Variants in ADAMTS17 observed in about 807,000 individuals in gnomAD.
ADAMTS17 encodes A disintegrin and metalloproteinase with thrombospondin motifs 17.
A neutral mutation model predicts 141.5 loss-of-function variants in ADAMTS17; 113 were observed. The observed-to-expected ratio is 0.80, with a 90% CI of 0.69 to 0.93. The LOEUF is 0.93. Ranked by LOEUF, ADAMTS17 falls within the 40% of genes least tolerant of loss-of-function variation. ADAMTS17 has a pLI of 0.00. For synonymous variants in ADAMTS17, 768 were observed against 630.6 expected, an observed-to-expected ratio of 1.22 and a Z score of -3.27; for missense variants, 1,659 against 1,517.9, an observed-to-expected ratio of 1.09 and a Z score of -1.54.
chr15:100,341,188 GCAGGTCGCGGCGCAGCTGAAGGTA>G lies in ADAMTS17; in HGVS notation c.277_300del (p.Tyr93_Leu100del). ...ACCTCGAAGCCTCGGGACAGGAAGC[GCAGGTCGCGGCGCAGCTGAAGGTA>G]CAGGTCGCGCCCGAAGGCCGGCAGG... is the stretch of plus-strand genomic sequence containing the variant. On this transcript the variant is annotated inframe_deletion, in exon 2 of 22. Coordinates refer to ENST00000268070, the MANE Select transcript of ADAMTS17 (RefSeq NM_139057.4). 6.8e-7 allele frequency: 1 copy of G among 1,463,254 alleles called. No homozygotes were observed. The allele number at this position is 1,463,254 out of a possible 1,614,324, so 90.6% of individuals were successfully genotyped here.
intron 12 of ADAMTS17, among the ~76,000 whole-genome samples, chr15:100,117,255 A>G (rs1039405387): frequency 6.7e-6 from 1 of 149,988 alleles, no homozygotes; most frequent in African/African-American, 2.5e-5. Flanking sequence ...TGGAAAAAGA[A>G]GGCAGTGAGT....
chr15:100,083,610 A>T (rs1306187757), intron 15 of ADAMTS17, among the ~76,000 whole-genome samples: 1 of 151,990 alleles, frequency 6.6e-6, no homozygotes, highest in Non-Finnish European at 1.5e-5. Flanking sequence ...CATTGTTACC[A>T]CAGACCTAGC....
chr15:100,061,420 G>T (rs181725136), intron 15 of ADAMTS17, among the ~76,000 whole-genome samples: 1 of 152,122 alleles, frequency 6.6e-6, no homozygotes, highest in Non-Finnish European at 1.5e-5. Context: ...AGCCACTATC[G>T]CGGATGCTAT....
At chr15:100,325,534 G>A (rs1461872596) in intron 3 of ADAMTS17, among the ~76,000 whole-genome samples, 1 of 152,200 alleles carries the variant, frequency 6.6e-6, no homozygotes, top group African/African-American at 2.4e-5. Flanking sequence ...AATGCTGGAG[G>A]TGGAGCCTAG....
chr15:100,153,888 C>T (rs909904985), intron 9 of ADAMTS17, among the ~76,000 whole-genome samples: 2 of 151,988 alleles, frequency 1.3e-5, no homozygotes, highest in Non-Finnish European at 2.9e-5. Flanking sequence ...CAAATAAAAA[C>T]ACCTGATCTT....
chr15:100,085,048 C>T (rs1405190656), intron 15 of ADAMTS17, among the ~76,000 whole-genome samples: 1 of 152,050 alleles, frequency 6.6e-6, no homozygotes, highest in African/African-American at 2.4e-5. Flanking sequence ...CTACTCCAAG[C>T]TAAAGGAGGA....
At chr15:100,033,923 G>A (rs1238458389) in intron 18 of ADAMTS17, among the ~76,000 whole-genome samples, 5 of 152,234 alleles carry the variant, frequency 3.3e-5, no homozygotes, top group African/African-American at 1.2e-4. Flanking sequence ...CCACACCACA[G>A]CCATGGCTTC....
intron 3 of ADAMTS17, among the ~76,000 whole-genome samples, chr15:100,317,757 T>C (rs1425389148): frequency 2.6e-5 from 4 of 152,190 alleles, no homozygotes; most frequent in African/African-American, 9.7e-5. Flanking sequence ...GGTTTTCTTC[T>C]CATGTTATGG....
chr15:100,096,220 G>A, intron 15 of ADAMTS17, 136 bp downstream of exon 15: 2 of 1,450,906 alleles, frequency 1.4e-6, no homozygotes, highest in Non-Finnish European at 1.9e-6. Flanking sequence ...TTTCAGAAAT[G>A]AAACTGAAGT....
intron 15 of ADAMTS17, among the ~76,000 whole-genome samples, chr15:100,065,519 A>G (rs1391603253): frequency 6.6e-6 from 1 of 152,070 alleles, no homozygotes; most frequent in African/African-American, 2.4e-5. Context: ...TCTAGTCTTT[A>G]TGCCTTTAGT....
chr15:100,155,951 G>A (rs1486460896), intron 8 of ADAMTS17, among the ~76,000 whole-genome samples: 1 of 151,924 alleles, frequency 6.6e-6, no homozygotes, highest in African/African-American at 2.4e-5. Context: ...GCCCTCACTG[G>A]GGTGAGCCAA....
intron 8 of ADAMTS17, among the ~76,000 whole-genome samples, chr15:100,158,139 G>A (rs955861432): frequency 5.9e-5 from 9 of 151,998 alleles, no homozygotes; most frequent in African/African-American, 9.7e-5. Flanking sequence ...CGCCCGCCTC[G>A]GCCTCCCAAA....
intron 15 of ADAMTS17, among the ~76,000 whole-genome samples, chr15:100,064,151 G>A (rs2033345565): frequency 6.6e-6 from 1 of 152,156 alleles, no homozygotes; most frequent in South Asian, 2.1e-4. Context: ...CATGCACATA[G>A]GGAGAATGTC....
chr15:100,311,830 A>G (rs76931954), intron 3 of ADAMTS17, among the ~76,000 whole-genome samples: 2 of 112,330 alleles, frequency 1.8e-5, no homozygotes, highest in East Asian at 2.2e-4. Flanking sequence ...GTGAAAAAGG[A>G]AAAAAAAAAA....
At position 100,196,315 on chromosome 15, in the gene ADAMTS17, G is replaced by A. The variant is rs116778760; in HGVS notation, c.1181+3003C>T. Among the ~76,000 whole-genome samples the A allele has an allele frequency of 8.0e-3, 1,220 of 152,334 alleles. 27 individuals carry two copies. Among genetic ancestry groups the A allele is most frequent in the African/African-American group, 0.028 (1,164 of 41,572 alleles). On this transcript the variant is annotated intron_variant, in intron 8 of 21. Transcript: ENST00000268070. ...CCAGGATGTAGATGAGTTAATTGCT[G>A]AAAATAAGCCCTAAATCTAGCTTTG... is the stretch of plus-strand genomic sequence containing the variant.
intron 7 of ADAMTS17, among the ~76,000 whole-genome samples, chr15:100,249,783 G>A (rs142458270): frequency 7.2e-4 from 109 of 152,328 alleles, no homozygotes; most frequent in African/African-American, 2.3e-3. Flanking sequence ...ACCTCGCAGC[G>A]CCTCAGAGTT....
intron 20 of ADAMTS17, among the ~76,000 whole-genome samples, chr15:99,991,648 T>C (rs2060692102): frequency 6.6e-6 from 1 of 152,184 alleles, no homozygotes; most frequent in Admixed American, 6.5e-5. Context: ...GAAATACCAT[T>C]TGACCCAGCA....
chr15:100,140,931 C>A (rs28626400), intron 10 of ADAMTS17, among the ~76,000 whole-genome samples: 1 of 152,104 alleles, frequency 6.6e-6, no homozygotes, highest in Non-Finnish European at 1.5e-5. Flanking sequence ...TTCAGCGACA[C>A]GTGATGCACT....
chr15:99,993,280 G>C lies in ADAMTS17; in HGVS notation c.2797-80C>G, dbSNP rs538310030. ...AACAGCTATTAACTCCCTCCAATGT[G>C]CCAGGTGCGGTGTGGGGATGATACA... On this transcript the variant is annotated intron_variant, in intron 19 of 21. Coordinates refer to ENST00000268070, the MANE Select transcript of ADAMTS17 (RefSeq NM_139057.4). The surrounding 1 kb of genome is among the most constrained non-coding windows in gnomAD (Gnocchi z 4.3). 159 of 1,569,658 alleles carry C rather than the reference G, an allele frequency of 1.0e-4. 1 individual carries two copies. The African/African-American group carries it at 2.1e-3, about 20-fold the overall frequency.
Sources: allele counts gnomAD v4.1 joint callset (sites outside exome capture counted in the v4.1 genomes callset), GRCh38; gene constraint gnomAD v4.1.1; non-coding constraint Gnocchi (gnomAD v3.1); transcripts MANE v1.5; gene names NCBI Gene and HGNC (gene_info 2026-07-23, HGNC 2026-07-21).